SASH1: variants seen among roughly 807,000 people sequenced by gnomAD.
SASH1 encodes the protein SAM and SH3 domain containing 1.
Under a neutral mutation model 125.2 loss-of-function variants are expected in SASH1, and 44 were observed. The ratio of observed to expected loss-of-function variants is 0.35; its 90% CI spans 0.28 to 0.45. SASH1 has a LOEUF of 0.45. Ranked by LOEUF, SASH1 falls within the 20% of genes least tolerant of loss-of-function variation. The probability of loss-of-function intolerance (pLI) is 1.00; values close to 1 mark genes in which losing one functional copy is unlikely to be tolerated. For synonymous variants in SASH1, 639 were observed against 649.1 expected, an observed-to-expected ratio of 0.98 and a Z score of 0.24; for missense variants, 1,426 against 1,614.5, an observed-to-expected ratio of 0.88 and a Z score of 2.00.
chr6:148,321,433 A>G (rs866598671), intron 1 of SASH1, among the ~76,000 whole-genome samples: 2 of 150,712 alleles, frequency 1.3e-5, no homozygotes, highest in African/African-American at 2.4e-5. Flanking sequence ...ATGTATGTGC[A>G]TGAAAGATCA....
chr6:148,473,751 A>G (rs1483926559), intron 6 of SASH1, among the ~76,000 whole-genome samples: 1 of 152,218 alleles, frequency 6.6e-6, no homozygotes, highest in African/African-American at 2.4e-5. Flanking sequence ...GAATGCTTGT[A>G]TGATCCAGTT....
chr6:148,500,219 A>AT (rs35731806), intron 8 of SASH1, among the ~76,000 whole-genome samples: 13,786 of 145,800 alleles, frequency 0.095, 1,111 homozygotes, highest in East Asian at 0.47. Flanking sequence ...CTGACAATAG[A>AT]TTTTTTTTTT....
Position 148,532,775 on chromosome 6 carries a change from TCTTC to T in SASH1, c.1565-19_1565-16del, listed in dbSNP as rs756130447. 8 of 1,613,222 alleles carry T rather than the reference TCTTC, an allele frequency of 5.0e-6. No individual in the cohort carries two copies. Reference sequence around the variant, plus strand: ...GTGGGAAATCTGGATCTACCCGTGTTCTTCCTATGTTTCCTGTACAGGCGGTCAA... The same window carrying T: ...GTGGGAAATCTGGATCTACCCGTGTTCTATGTTTCCTGTACAGGCGGTCAA... On this transcript the variant is annotated intron_variant, in intron 13 of 19. Transcript: ENST00000367467. This position sits in a 1 kb window ranked among gnomAD's most constrained non-coding sequence, Gnocchi z 4.7.
chr6:148,217,732 C>T, the SASH1 span, among the ~76,000 whole-genome samples: 1 of 151,840 alleles, frequency 6.6e-6, no homozygotes, highest in African/African-American at 2.4e-5. Flanking sequence ...AGGCCAGACT[C>T]ACTGGCTCTC....
chr6:148,288,938 A>G (rs1779554299), intron 1 of SASH1, among the ~76,000 whole-genome samples: 1 of 152,072 alleles, frequency 6.6e-6, no homozygotes, highest in Non-Finnish European at 1.5e-5. Flanking sequence ...TAAAGTGGAG[A>G]CAGCTGAATC....
chr6:148,261,819 G>T, the SASH1 span, among the ~76,000 whole-genome samples: 1 of 152,162 alleles, frequency 6.6e-6, no homozygotes, highest in Non-Finnish European at 1.5e-5. Flanking sequence ...AGTAGAAAAG[G>T]CATGGGAATA....
chr6:148,267,333 T>C (rs9497985), upstream of SASH1, among the ~76,000 whole-genome samples: 87,622 of 150,750 alleles, frequency 0.58, 26,133 homozygotes, highest in African/African-American at 0.68. Flanking sequence ...TAAGCCAGAA[T>C]CTCTTCCGTG....
At chr6:148,496,608 T>C (rs1422339073) in intron 8 of SASH1, among the ~76,000 whole-genome samples, 1 of 152,252 alleles carries the variant, frequency 6.6e-6, no homozygotes, top group African/African-American at 2.4e-5. Context: ...TTAACTTTTA[T>C]TGGCTGGGTG....
Position 148,456,204 on chromosome 6 carries a change from G to A in SASH1, c.387-12341G>A, listed in dbSNP as rs183693339. 1.2e-4 allele frequency among the ~76,000 whole-genome samples: 18 copies of A among 152,190 alleles called. No homozygotes were observed. The East Asian group carries it at 2.5e-3, about 21-fold the overall frequency. Reference sequence around the variant, plus strand: ...CCTACTCCCTTCCCCACCCCAGGCCGAGGCTGGTAAGGGCCAGCCCCCTGC... The same window carrying A: ...CCTACTCCCTTCCCCACCCCAGGCCAAGGCTGGTAAGGGCCAGCCCCCTGC... On this transcript the variant is annotated intron_variant, in intron 4 of 19. Coordinates refer to ENST00000367467, the MANE Select transcript of SASH1 (RefSeq NM_015278.5).
chr6:148,224,720 A>G, the SASH1 span, among the ~76,000 whole-genome samples: 1 of 152,166 alleles, frequency 6.6e-6, no homozygotes, highest in Middle Eastern at 3.2e-3. Context: ...CCCCTGAGCA[A>G]TGCCCCATAG....
intron 4 of SASH1, among the ~76,000 whole-genome samples, chr6:148,451,525 C>T (rs542460285): frequency 3.5e-4 from 54 of 152,170 alleles, no homozygotes; most frequent in African/African-American, 1.1e-3. Context: ...CTGCTGAGCA[C>T]GGTGAGATGC....
At chr6:148,382,067 C>T (rs1039481232) in intron 1 of SASH1, among the ~76,000 whole-genome samples, 16 of 152,136 alleles carry the variant, frequency 1.1e-4, no homozygotes, top group African/African-American at 2.4e-4. Flanking sequence ...TCTGGGTTAG[C>T]GACCTTTACA....
chr6:148,271,058 C>A (rs969001028), upstream of SASH1, among the ~76,000 whole-genome samples: 1 of 152,000 alleles, frequency 6.6e-6, no homozygotes, highest in Non-Finnish European at 1.5e-5. Flanking sequence ...TACAGGCGCC[C>A]GCCACCATGT....
intron 4 of SASH1, among the ~76,000 whole-genome samples, chr6:148,452,319 T>C (rs556078681): frequency 3.3e-5 from 5 of 152,326 alleles, no homozygotes; most frequent in African/African-American, 7.2e-5. Context: ...TGACTTGTCC[T>C]CTTTGCCACT....
At chr6:148,227,300 C>G in the SASH1 span, among the ~76,000 whole-genome samples, 4 of 152,154 alleles carry the variant, frequency 2.6e-5, no homozygotes, top group African/African-American at 9.7e-5. Flanking sequence ...ATAGCTGCAT[C>G]TCCAACATCT....
At chr6:148,482,743 C>A (rs1562448283) in intron 7 of SASH1, among the ~76,000 whole-genome samples, 1 of 143,034 alleles carries the variant, frequency 7.0e-6, no homozygotes, top group Non-Finnish European at 1.5e-5. Flanking sequence ...GGCTAGAGTG[C>A]AGTGGCGCGA....
intron 11 of SASH1, 49 bp from the exon 12 acceptor site, chr6:148,527,404 G>T: frequency 1.3e-6 from 2 of 1,514,392 alleles, no homozygotes; most frequent in Non-Finnish European, 1.8e-6. Context: ...AATAAAACCT[G>T]TTCTTCATTT....
the SASH1 span, among the ~76,000 whole-genome samples, chr6:148,201,367 C>T: frequency 5.5e-4 from 84 of 152,184 alleles, no homozygotes; most frequent in African/African-American, 1.8e-3. Flanking sequence ...CATTGCCATC[C>T]GGGGTGGGAC....
chr6:148,332,065 A>G (rs549694410), intron 1 of SASH1, among the ~76,000 whole-genome samples: 1 of 152,118 alleles, frequency 6.6e-6, no homozygotes, highest in East Asian at 1.9e-4. Flanking sequence ...TGCTGTCTGC[A>G]CTTTGTTTTA....
Sources: gnomAD v4.1 joint callset for allele counts (sites outside exome capture counted in the v4.1 genomes callset) on GRCh38, gnomAD v4.1.1 for gene constraint, Gnocchi (gnomAD v3.1) non-coding constraint, MANE v1.5 for transcripts, NCBI Gene and HGNC (gene_info 2026-07-23, HGNC 2026-07-21) for gene names.